The following NAT1 variants were observed in gnomAD, a reference collection of about 807,000 sequenced individuals.
The protein encoded by NAT1 is N-acetyltransferase 1, also known as arylamine N-acetyltransferase 1.
For missense variants in NAT1, 400 were observed against 339.2 expected, an observed-to-expected ratio of 1.18 and a Z score of -1.41; for synonymous variants, 144 against 122.6, an observed-to-expected ratio of 1.17 and a Z score of -1.16.
intron 2 of NAT1, among the ~76,000 whole-genome samples, chr8:18,185,392 C>G (rs1318023872): frequency 6.6e-6 from 1 of 151,908 alleles, no homozygotes; most frequent in Non-Finnish European, 1.5e-5. Context: ...TATATTTTTT[C>G]AGAAATGTGT....
At chr8:18,197,605 T>C (rs574397949) in intron 2 of NAT1, among the ~76,000 whole-genome samples, 3 of 152,350 alleles carry the variant, frequency 2.0e-5, no homozygotes, top group South Asian at 4.1e-4. Context: ...TGGTATGTTC[T>C]ACACTTTCAT....
Position 18,219,502 on chromosome 8 carries a change from T to C in NAT1, c.-7+13T>C, listed in dbSNP as rs1201988695. ...CTTACTAAGAAAGGTATTAAGCGCC[T>C]TTCTGAGAGCTCTCAGTGGGCTTCC... On this transcript the variant is annotated intron_variant, in intron 2 of 2. Coordinates refer to ENST00000307719, the MANE Select transcript of NAT1 (RefSeq NM_000662.8). 1 of 1,501,976 alleles carries C rather than the reference T, an allele frequency of 6.7e-7. No homozygotes were observed. The highest frequency in any genetic ancestry group is 9.0e-7 in the Non-Finnish European group (1 of 1,106,150). The allele number at this position is 1,501,976 out of a possible 1,614,324, so 93.0% of individuals were successfully genotyped here. A position where few individuals can be genotyped will look rare whatever the true frequency, so the allele number is the denominator to read the frequency against.
chr8:18,194,274 T>C (rs1425010518), intron 2 of NAT1, among the ~76,000 whole-genome samples: 1 of 152,206 alleles, frequency 6.6e-6, no homozygotes, highest in Admixed American at 6.5e-5. Flanking sequence ...GAAGAGTGAC[T>C]ACTTTAGTGA....
chr8:18,180,656 G>A (rs1479417858), intron 2 of NAT1, among the ~76,000 whole-genome samples: 4 of 152,114 alleles, frequency 2.6e-5, no homozygotes, highest in African/African-American at 7.2e-5. Context: ...AGAGGCTTTT[G>A]AATGTTCTCA....
upstream of NAT1, among the ~76,000 whole-genome samples, chr8:18,207,049 T>A (rs1365396382): frequency 1.3e-5 from 2 of 152,218 alleles, no homozygotes; most frequent in Non-Finnish European, 2.9e-5. Flanking sequence ...AATTTTTGTA[T>A]AAGGCTTAAG....
At chr8:18,203,812 G>T (rs1176840303) in intron 2 of NAT1, among the ~76,000 whole-genome samples, 1 of 152,136 alleles carries the variant, frequency 6.6e-6, no homozygotes, top group Non-Finnish European at 1.5e-5. Flanking sequence ...CCTTTTTAGT[G>T]AAAAGCAGCC....
At position 18,202,866 on chromosome 8, in the gene NAT1, CG is replaced by C. The variant is rs761917009; in HGVS notation, n.93-6913del. 1.1e-4 allele frequency among the ~76,000 whole-genome samples: 16 copies of C among 152,190 alleles called. No homozygotes were observed. The East Asian group carries it at 2.1e-3, about 20-fold the overall frequency. ...GGTTGCCACTGCTGGCTTGGGTGAC[CG>C]GCTGTTATTCCCTTATTTGGTCCCA... On this transcript the variant is annotated intron_variant and non_coding_transcript_variant, in intron 2 of 4. Transcript: ENST00000517441.
At chr8:18,221,315 T>G (rs1176992448) in intron 2 of NAT1, among the ~76,000 whole-genome samples, 31 of 150,232 alleles carry the variant, frequency 2.1e-4, no homozygotes, top group African/African-American at 6.3e-4. Context: ...TTGGTGTGTT[T>G]TTTTTTTTTT....
chr8:18,177,450 G>A (rs1217897945), intron 2 of NAT1, among the ~76,000 whole-genome samples: 7 of 152,002 alleles, frequency 4.6e-5, no homozygotes, highest in Admixed American at 3.9e-4. Context: ...TGCTTCTGAC[G>A]TAAGAATGGG....
chr8:18,196,788 G>T (rs188401382), intron 2 of NAT1, among the ~76,000 whole-genome samples: 82 of 152,264 alleles, frequency 5.4e-4, no homozygotes, highest in Non-Finnish European at 8.7e-4. Context: ...AAAGAGGAAG[G>T]TTATTAAAGG....
intron 2 of NAT1, among the ~76,000 whole-genome samples, chr8:18,185,914 G>GT (rs1236549799): frequency 2.0e-5 from 3 of 152,024 alleles, no homozygotes. Flanking sequence ...CCTTGGCTTA[G>GT]TTATAAGTGT....
chr8:18,201,233 A>T (rs562208157), intron 2 of NAT1: 1 of 152,214 alleles, frequency 6.6e-6, no homozygotes, highest in East Asian at 1.9e-4. Context: ...TCATAATTTA[A>T]TGAGTCAAAA....
chr8:18,177,857 A>C (rs181760551), intron 2 of NAT1, among the ~76,000 whole-genome samples: 10 of 152,192 alleles, frequency 6.6e-5, no homozygotes, highest in African/African-American at 2.4e-4. Context: ...TATCTGAGTG[A>C]CTTTGGGCAC....
intron 2 of NAT1, among the ~76,000 whole-genome samples, chr8:18,187,759 G>A (rs1802801761): frequency 6.6e-6 from 1 of 151,996 alleles, no homozygotes; most frequent in African/African-American, 2.4e-5. Context: ...AGGGTACTAT[G>A]CATATTACCC....
chr8:18,208,714 G>T (rs1053802288), upstream of NAT1, among the ~76,000 whole-genome samples: 1 of 152,178 alleles, frequency 6.6e-6, no homozygotes, highest in African/African-American at 2.4e-5. Context: ...GGAGGCTAGT[G>T]CTGACCCCAC....
chr8:18,179,068 C>G (rs1195298514), intron 2 of NAT1, among the ~76,000 whole-genome samples: 1 of 152,118 alleles, frequency 6.6e-6, no homozygotes, highest in African/African-American at 2.4e-5. Context: ...GTATGCCCGG[C>G]CTTCTCTCTT....
intron 1 of NAT1, among the ~76,000 whole-genome samples, chr8:18,218,090 A>C (rs1410917391): frequency 2.0e-5 from 3 of 152,166 alleles, no homozygotes. Context: ...GGGAAGCTAA[A>C]AGGAGTTTTA....
intron 2 of NAT1, among the ~76,000 whole-genome samples, chr8:18,180,424 A>C (rs1802468855): frequency 6.6e-6 from 1 of 152,170 alleles, no homozygotes; most frequent in South Asian, 2.1e-4. Context: ...AGAAACAAAG[A>C]AACAAAGATC....
At chr8:18,192,672 G>A (rs1803047298) in intron 2 of NAT1, among the ~76,000 whole-genome samples, 1 of 152,070 alleles carries the variant, frequency 6.6e-6, no homozygotes, top group South Asian at 2.1e-4. Context: ...AAAAAAGGAT[G>A]AGTTCATGTC....
Sources: allele counts gnomAD v4.1 joint callset (sites outside exome capture counted in the v4.1 genomes callset), GRCh38; gene constraint gnomAD v4.1.1; transcripts MANE v1.5; gene names NCBI Gene and HGNC (gene_info 2026-07-23, HGNC 2026-07-21).